The following NUP210 variants were observed in gnomAD, a reference collection of about 807,000 sequenced individuals.
NUP210 encodes nucleoporin 210, also known as nuclear pore membrane glycoprotein 210.
NUP210 carries 151 observed loss-of-function variants against 196.0 expected under a neutral mutation model. The ratio of observed to expected loss-of-function variants is 0.77; its 90% CI spans 0.67 to 0.88. The LOEUF (loss-of-function observed/expected upper bound fraction) is 0.88. NUP210 is among the 40% of genes least tolerant of loss of function. NUP210 has a pLI of 0.00. For missense variants in NUP210, 2,314 were observed against 2,493.7 expected (o/e 0.93, Z 1.53); for synonymous variants, 1,070 against 1,052.7 (o/e 1.02, Z -0.32).
chr3:13,379,465 T>C lies in NUP210; in HGVS notation c.976+98A>G. On this transcript the variant is annotated intron_variant, in intron 7 of 39. Transcript: ENST00000254508. This position sits in a 1 kb window ranked among gnomAD's most constrained non-coding sequence, Gnocchi z 4.2. ...TTTCAGACCGTTGAGGGGAAACGGC[T>C]ATTTTTAGCCCTGCCGAGCTTTCAG... is the stretch of plus-strand genomic sequence containing the variant. 6.8e-7 allele frequency: 1 copy of C among 1,461,018 alleles called. No individual in the cohort carries two copies. Among genetic ancestry groups the C allele is most frequent in the South Asian group, 1.2e-5 (1 of 85,872 alleles). The allele number at this position is 1,461,018 out of a possible 1,614,324, so 90.5% of individuals were successfully genotyped here.
chr3:13,344,814 G>A (rs1446738750), intron 20 of NUP210: 5 of 506,478 alleles, frequency 9.9e-6, no homozygotes, highest in Non-Finnish European at 1.3e-5. Flanking sequence ...CTGCCTCCGG[G>A]CCTCGCAGCC....
Position 13,371,977 on chromosome 3 carries a change from C to T in NUP210, c.1643G>A (p.Arg548His), listed in dbSNP as rs776943203. 37 of 1,601,296 alleles carry T rather than the reference C, an allele frequency of 2.3e-5. No individual in the cohort carries two copies. The highest frequency in any genetic ancestry group is 2.8e-5 in the Non-Finnish European group (33 of 1,174,072). Residue 548 changes from arginine to histidine, a missense_variant, in exon 13 of 40, where the codon CGT becomes CAT. Physicochemically the swap from Arg to His is conservative, Grantham distance 29. Transcript: ENST00000254508. ...MEFAPCQVEA[R>H]VGQALELPLR... ...GGGCAGCTCCAGGGCCTGGCCCACA[C>T]GTGCCTCCACCTGGCACGGGGCAAA...
chr3:13,385,167 C>T (rs1699233221), intron 6 of NUP210, among the ~76,000 whole-genome samples: 1 of 152,212 alleles, frequency 6.6e-6, no homozygotes, highest in Admixed American at 6.5e-5. Flanking sequence ...CAGGTGACTG[C>T]TCTCAGTTGA....
chr3:13,391,054 A>G (rs1470307102), intron 4 of NUP210, among the ~76,000 whole-genome samples, 157 bp downstream of exon 4: 4 of 152,164 alleles, frequency 2.6e-5, no homozygotes, highest in African/African-American at 9.7e-5. Flanking sequence ...AGTGGATCCC[A>G]TTCCTCAATC....
At position 13,345,077 on chromosome 3, in the gene NUP210, T is replaced by C. The variant is rs972686548; in HGVS notation, c.2836-1774A>G. The stretch of plus-strand genomic sequence containing the variant: ...TGCCCTCGGGACTCAGCCCAGCATC[T>C]GGTACAGCCTAGCCTCCTACGAGCA... On this transcript the variant is annotated intron_variant, in intron 20 of 39. Coordinates refer to ENST00000254508, the MANE Select transcript of NUP210 (RefSeq NM_024923.4). 5.1e-6 allele frequency: 5 copies of C among 985,306 alleles called. No individual in the cohort carries two copies. In the African/African-American group the frequency reaches 8.7e-5, roughly 17 times the overall value. The allele number at this position is 985,306 out of a possible 1,614,324, so 61.0% of individuals were successfully genotyped here. A position where few individuals can be genotyped will look rare whatever the true frequency, so the allele number is the denominator to read the frequency against.
chr3:13,403,423 C>T (rs867071332), intron 1 of NUP210, among the ~76,000 whole-genome samples: 2 of 152,158 alleles, frequency 1.3e-5, no homozygotes, highest in South Asian at 4.1e-4. Flanking sequence ...CCATGAGGGC[C>T]CCACCCTCAT....
chr3:13,375,549 T>C lies in NUP210; in HGVS notation c.1386A>G (p.Thr462=). The part of the protein sequence containing the change: ...IPITLYPSIL[T]FPWQPKTGAY... ...CGCCCGTCTTTGGTTGCCACGGAAA[T>C]GTCAAGATGCTGGGATACAGGGTGA... is the stretch of plus-strand genomic sequence containing the variant. Residue 462 remains threonine (T), a synonymous_variant, in exon 11 of 40, where the codon ACA becomes ACG. Coordinates refer to ENST00000254508, the MANE Select transcript of NUP210 (RefSeq NM_024923.4). The C allele has an allele frequency of 6.2e-7, 1 of 1,614,132 alleles. No individual in the cohort carries two copies. Among genetic ancestry groups the C allele is most frequent in the East Asian group, 2.2e-5 (1 of 44,888 alleles).
intron 3 of NUP210, among the ~76,000 whole-genome samples, chr3:13,394,833 T>G (rs1316089415): frequency 1.3e-5 from 2 of 152,182 alleles, no homozygotes; most frequent in Admixed American, 1.3e-4. Flanking sequence ...AAGGATCAAG[T>G]TCATCTTCAC....
intron 1 of NUP210, among the ~76,000 whole-genome samples, chr3:13,410,007 G>A (rs577445602): frequency 1.4e-5 from 2 of 144,142 alleles, no homozygotes; most frequent in African/African-American, 5.4e-5. Context: ...TTTTTAGCAC[G>A]TCACCCAGCT....
At chr3:13,341,700 C>T in intron 23 of NUP210, 48 bp downstream of exon 23, 1 of 1,608,442 alleles carries the variant, frequency 6.2e-7, no homozygotes, top group South Asian at 1.1e-5. Context: ...CACTCCCAAC[C>T]CCCAGCACTG....
Position 13,340,273 on chromosome 3 carries a change from G to A in NUP210, c.3254C>T (p.Pro1085Leu). 2 of 1,613,448 alleles carry A rather than the reference G, an allele frequency of 1.2e-6. No homozygotes were observed. The highest frequency in any genetic ancestry group is 2.2e-5 in the South Asian group (2 of 91,084). The part of the protein sequence containing the change: ...IEVFPPFRLM[P>L]RKVTLLIGAT... The stretch of plus-strand genomic sequence containing the variant: ...CCCGATAAGCAGTGTCACCTTCCTG[G>A]GCATCAGCCTGAACGGGGGAAAGAC... Residue 1085 changes from proline (P) to leucine (L), a missense_variant, in exon 24 of 40, where the codon CCC (proline) becomes CTC (leucine). Transcript: ENST00000254508. This position sits in a 1 kb window ranked among gnomAD's most constrained non-coding sequence, Gnocchi z 4.0.
In NUP210 at chr3:13,353,994, T is replaced by C; in HGVS notation, c.2442A>G (p.Pro814=). The C allele has an allele frequency of 6.2e-7, 1 of 1,609,758 alleles. No homozygotes were observed. The highest frequency in any genetic ancestry group is 8.5e-7 in the Non-Finnish European group (1 of 1,178,034). Reference sequence around the variant, plus strand: ...GCTCAGGCTCGATGCTGGCCAACACTGGCCTGGTGGACTCCCACTGGATGC... The same window carrying C: ...GCTCAGGCTCGATGCTGGCCAACACCGGCCTGGTGGACTCCCACTGGATGC... ...SLSIQWESTR[P]VLASIEPELP... The change falls in exon 17 of 40, where the codon CCA becomes CCG. Residue 814 remains proline, a synonymous_variant. Coordinates refer to ENST00000254508, the MANE Select transcript of NUP210 (RefSeq NM_024923.4).
intron 1 of NUP210, among the ~76,000 whole-genome samples, chr3:13,410,268 C>T (rs947947674): frequency 4.0e-5 from 6 of 151,800 alleles, no homozygotes; most frequent in African/African-American, 1.2e-4. Context: ...GCAGCCTCCA[C>T]CTCCCAGGTT....
At chr3:13,388,748 T>G (rs1019051703) in intron 4 of NUP210, among the ~76,000 whole-genome samples, 4 of 152,212 alleles carry the variant, frequency 2.6e-5, no homozygotes, top group Non-Finnish European at 4.4e-5. Context: ...AATACTAACA[T>G]GCGAGACCAG....
chr3:13,417,891 C>A (rs751669593), intron 1 of NUP210, among the ~76,000 whole-genome samples: 4 of 152,124 alleles, frequency 2.6e-5, no homozygotes, highest in African/African-American at 7.2e-5. Flanking sequence ...CCCTTCAGCT[C>A]CTCTCAGAAA....
At chr3:13,399,159 G>A (rs1699757074) in intron 2 of NUP210, among the ~76,000 whole-genome samples, 1 of 151,506 alleles carries the variant, frequency 6.6e-6, no homozygotes, top group African/African-American at 2.4e-5. Flanking sequence ...TCAACTACTC[G>A]GGAGGCTGAG....
intron 1 of NUP210, among the ~76,000 whole-genome samples, chr3:13,418,948 CAAAAAAAAAAAAAAAAA>C: frequency 1.9e-5 from 1 of 52,508 alleles, no homozygotes; most frequent in South Asian, 8.4e-4. Context: ...AACTCCGTCT[CAAAAAAAAAAAAAAAAA>C]AAAAAAAAGA....
At position 13,317,075 on chromosome 3, in the gene NUP210, C is replaced by T. The variant is rs1696299051; in HGVS notation, c.*606G>A. 1 of 153,836 alleles carries T rather than the reference C, an allele frequency of 6.5e-6. No individual in the cohort carries two copies. Among genetic ancestry groups the T allele is most frequent in the African/African-American group, 2.4e-5 (1 of 41,450 alleles). The allele number at this position is 153,836 out of a possible 1,614,324, so 9.5% of individuals were successfully genotyped here. On this transcript the variant is annotated 3_prime_UTR_variant, in exon 40 of 40. Coordinates refer to ENST00000254508, the MANE Select transcript of NUP210 (RefSeq NM_024923.4). ...GGTGAGCTCCTGTGTTCTCCAGCCT[C>T]TCGCTCACCCAGGGCTTGGCTATCC...
chr3:13,388,368 G>A lies in NUP210; in HGVS notation c.619C>T (p.Leu207=). ...CTCCCGGTCTTCATCCCAGACACCAGGATGGTGTCCCCTTGCTTGGCAGCC... is the reference window on the plus strand; with the variant it reads ...CTCCCGGTCTTCATCCCAGACACCAAGATGGTGTCCCCTTGCTTGGCAGCC... ...EKAAKQGDTI[L]VSGMKTGSSK... is the part of the protein sequence containing the mutation. The change falls in exon 5 of 40, where the codon CTG becomes TTG. Residue 207 remains leucine (L), a synonymous_variant. Transcript: ENST00000254508. 1 of 1,612,386 alleles carries A rather than the reference G, an allele frequency of 6.2e-7. No homozygotes were observed.
Sources: allele counts gnomAD v4.1 joint callset (sites outside exome capture counted in the v4.1 genomes callset), GRCh38; gene constraint gnomAD v4.1.1; non-coding constraint Gnocchi (gnomAD v3.1); transcripts MANE v1.5; gene names NCBI Gene and HGNC (gene_info 2026-07-23, HGNC 2026-07-21).